Variants in C1QTNF8 observed in about 807,000 individuals in gnomAD.
C1QTNF8 encodes complement C1q tumor necrosis factor-related protein 8.
In C1QTNF8, 27 loss-of-function variants were observed where a neutral mutation model predicts 19.2. The observed-to-expected ratio is 1.41, with a 90% confidence interval of 1.04 to 1.94. The LOEUF is 1.94. Among genes scored for constraint, C1QTNF8 ranks in the 30% most tolerant of loss-of-function variants. The pLI is 0.00. For synonymous variants in C1QTNF8, 208 were observed against 172.8 expected (o/e 1.20, Z -1.60); for missense variants, 484 against 374.4 (o/e 1.29, Z -2.42).
intron 4 of C1QTNF8, among the ~76,000 whole-genome samples, chr16:1,092,202 G>A (rs1960559680): frequency 6.6e-6 from 1 of 152,208 alleles, no homozygotes; most frequent in African/African-American, 2.4e-5. Flanking sequence ...GGCAGGTGCG[G>A]GTCAGACTTG....
intron 4 of C1QTNF8, among the ~76,000 whole-genome samples, chr16:1,092,474 A>T (rs1191639077): frequency 1.3e-4 from 15 of 114,196 alleles, no homozygotes; most frequent in East Asian, 2.5e-4. Flanking sequence ...AACCAATCAC[A>T]GCACACAGTC....
At chr16:1,094,497 C>G (rs953684783) in intron 3 of C1QTNF8, 1 of 499,332 alleles carries the variant, frequency 2.0e-6, no homozygotes, top group African/African-American at 2.0e-5. Context: ...CCAGGATCCT[C>G]AGCACCCCAC....
chr16:1,094,877 C>A lies in C1QTNF8; in HGVS notation c.46G>T (p.Gly16Trp). 1 of 1,395,160 alleles carries A rather than the reference C, an allele frequency of 7.2e-7. No individual in the cohort carries two copies. The highest frequency in any genetic ancestry group is 2.8e-5 in the East Asian group (1 of 35,736). The allele number at this position is 1,395,160 out of a possible 1,614,324, so 86.4% of individuals were successfully genotyped here. A position where few individuals can be genotyped will look rare whatever the true frequency, so the allele number is the denominator to read the frequency against. ...LLLLALLLPVGAWPGLPRRPC... is the reference protein window; with the variant it reads ...LLLLALLLPVWAWPGLPRRPC... ...CTCCTGGGCAGCCCGGGCCAGGCCCCCACGGGCAGCAGCAGTGCTAGGAGC... is the reference window on the plus strand; with the variant it reads ...CTCCTGGGCAGCCCGGGCCAGGCCCACACGGGCAGCAGCAGTGCTAGGAGC... Residue 16 changes from glycine to tryptophan, a missense_variant, in exon 3 of 5, where the codon GGG becomes TGG. Gly to Trp is a radical substitution (Grantham distance 184, BLOSUM62 -2). Coordinates refer to ENST00000328449, the MANE Select transcript of C1QTNF8 (RefSeq NM_207419.3).
rs1396234413 is a variant in C1QTNF8, at chr16:1,088,991, G to T, written c.*1608C>A. Among the ~76,000 whole-genome samples the T allele has an allele frequency of 6.6e-6, 1 of 152,150 alleles. No individual in the cohort carries two copies. The highest frequency in any genetic ancestry group is 2.4e-5 in the African/African-American group (1 of 41,438). ...ACTTTCTGAGCTCCCTGGTGCAGGG[G>T]CTGGCGTCTTCCCGGGACTCTCTTC... On this transcript the variant is annotated 3_prime_UTR_variant, in exon 5 of 5. Transcript: ENST00000328449.
In C1QTNF8 at chr16:1,093,702, C is replaced by G; in HGVS notation, c.558G>C (p.Arg186=). Residue 186 remains arginine (R), a synonymous_variant, in exon 4 of 5, where the codon CGG becomes CGC. Transcript: ENST00000328449. The part of the protein sequence containing the change: ...KETYLHIMLN[R]RPAAVLYAQP... ...GCGCGTAGAGCACGGCCGCGGGCCGCCGGTTCAGCATGATGTGCAGGTAGG... is the reference window on the plus strand; with the variant it reads ...GCGCGTAGAGCACGGCCGCGGGCCGGCGGTTCAGCATGATGTGCAGGTAGG... 1 of 1,611,368 alleles carries G rather than the reference C, an allele frequency of 6.2e-7. No homozygotes were observed. Among genetic ancestry groups the G allele is most frequent in the Non-Finnish European group, 8.5e-7 (1 of 1,179,164 alleles).
At chr16:1,094,332 A>G (rs891683009) in intron 3 of C1QTNF8, among the ~76,000 whole-genome samples, 20 of 152,130 alleles carry the variant, frequency 1.3e-4, no homozygotes, top group African/African-American at 4.8e-4. Flanking sequence ...GTGTTAAAGA[A>G]TGAGAAGGCT....
Position 1,088,506 on chromosome 16 carries a change from C to G in C1QTNF8, c.*2093G>C, listed in dbSNP as rs1960480580. Among the ~76,000 whole-genome samples the G allele has an allele frequency of 6.6e-6, 1 of 152,356 alleles. No individual in the cohort carries two copies. The highest frequency in any genetic ancestry group is 1.9e-4 in the East Asian group (1 of 5,186). ...CTGCTTTTCGTGTCTCTGGCCTCTA[C>G]CAAGCATCCCTCTTTCCGCTCCCAC... On this transcript the variant is annotated 3_prime_UTR_variant, in exon 5 of 5. Transcript: ENST00000328449.
intron 4 of C1QTNF8, 73 bp downstream of exon 4, chr16:1,093,424 C>T (rs1044689353): frequency 2.9e-6 from 3 of 1,042,350 alleles, no homozygotes; most frequent in Non-Finnish European, 3.9e-6. Flanking sequence ...CCACACCCAC[C>T]CCCACACACA....
intron 4 of C1QTNF8, among the ~76,000 whole-genome samples, 157 bp downstream of exon 4, chr16:1,093,312 CCTGCACACAGTCAGCGCTCAACAAATCA>C (rs1960597256): frequency 2.2e-5 from 3 of 138,708 alleles, no homozygotes; most frequent in Middle Eastern, 3.6e-3. Context: ...TCAACCAATC[CCTGCACACAGTCAGCGCTCAACAAATCA>C]CTGCACACAG....
intron 3 of C1QTNF8, among the ~76,000 whole-genome samples, chr16:1,094,309 C>T (rs1480035446): frequency 2.6e-5 from 4 of 152,264 alleles, no homozygotes; most frequent in South Asian, 2.1e-4. Flanking sequence ...GGGCCAGCTA[C>T]GGTCTGCGTT....
Position 1,094,727 on chromosome 16 carries a change from C to A in C1QTNF8, c.196G>T (p.Glu66Ter). 1.9e-6 allele frequency: 3 copies of A among 1,591,234 alleles called. No homozygotes were observed. In the East Asian group the frequency reaches 7.2e-5, roughly 38 times the overall value. The change falls in exon 3 of 5, where the codon GAA becomes TAA. Residue 66 changes from glutamate to a stop codon, truncating the protein, a stop_gained. Coordinates refer to ENST00000328449, the MANE Select transcript of C1QTNF8 (RefSeq NM_207419.3). LOFTEE classifies it high-confidence loss of function. ...LPRVRPTIDIEILKGEKGEAG... is the reference protein window; with the variant it reads ...LPRVRPTIDI Reference sequence around the variant, plus strand: ...CCACGGGCCTCACCTTTGAGGATTTCGATGTCTATAGTGGGCCGTACTCGA... The same window carrying A: ...CCACGGGCCTCACCTTTGAGGATTTAGATGTCTATAGTGGGCCGTACTCGA...
At position 1,090,282 on chromosome 16, in the gene C1QTNF8, TG is replaced by T. The variant is rs1960517954; in HGVS notation, c.*316del. The T allele has an allele frequency of 6.6e-6, 1 of 152,558 alleles. No individual in the cohort carries two copies. The highest frequency in any genetic ancestry group is 6.5e-5 in the Admixed American group (1 of 15,286). The allele number at this position is 152,558 out of a possible 1,614,324, so 9.5% of individuals were successfully genotyped here. On this transcript the variant is annotated 3_prime_UTR_variant, in exon 5 of 5. Coordinates refer to ENST00000328449, the MANE Select transcript of C1QTNF8 (RefSeq NM_207419.3). ...CGGGCGACTTGGGAGGCAGCAGGCT[TG>T]GGCAGTGGGTGGGGGTGGCGCAGCC...
chr16:1,093,732 C>A lies in C1QTNF8; in HGVS notation c.528G>T (p.Lys176Asn). 6 of 1,612,126 alleles carry A rather than the reference C, an allele frequency of 3.7e-6. No individual in the cohort carries two copies. Among genetic ancestry groups the A allele is most frequent in the Non-Finnish European group, 5.1e-6 (6 of 1,179,586 alleles). ...LSLNVHTWNY[K>N]ETYLHIMLNR... ...TCAGCATGATGTGCAGGTAGGTCTC[C>A]TTGTAGTTCCAGGTGTGCACGTTGA... Residue 176 changes from lysine (K) to asparagine (N), a missense_variant, in exon 4 of 5, where the codon AAG becomes AAT. Physicochemically the swap from Lys to Asn is moderately conservative, Grantham distance 94. Transcript: ENST00000328449.
rs1960488143 is a variant in C1QTNF8 at position 1,088,897 on chromosome 16, C to T, written c.*1702G>A. Among the ~76,000 whole-genome samples the T allele has an allele frequency of 2.0e-5, 3 of 151,396 alleles. 1 individual carries two copies. Among genetic ancestry groups the T allele is most frequent in the South Asian group, 2.1e-4 (1 of 4,804 alleles). ...GTGCGGGGAGGTCCAGCCTGTCCCTCGGAATAAGCGCCTGGCTTCGGGGCT... is the reference window on the plus strand; with the variant it reads ...GTGCGGGGAGGTCCAGCCTGTCCCTTGGAATAAGCGCCTGGCTTCGGGGCT... On this transcript the variant is annotated 3_prime_UTR_variant, in exon 5 of 5. Transcript: ENST00000328449.
intron 4 of C1QTNF8, 35 bp downstream of exon 4, chr16:1,093,462 G>T: frequency 7.8e-7 from 1 of 1,282,436 alleles, no homozygotes; most frequent in Non-Finnish European, 1.0e-6. Flanking sequence ...ACACACGCGC[G>T]CGCGCGCCCG....
In C1QTNF8 at chr16:1,093,819, G is replaced by A. The variant is rs374098565; in HGVS notation, c.441C>T (p.Gly147=). ...AGCGGCCCGCGGCCAGGTCGAAGGC[G>A]CCGTCCAGGTTCACCAGCTCCGTGT... The part of the protein sequence containing the change: ...PFDTELVNLD[G]AFDLAAGRFL... The change falls in exon 4 of 5, where the codon GGC becomes GGT. Residue 147 remains glycine, a synonymous_variant. Coordinates refer to ENST00000328449, the MANE Select transcript of C1QTNF8 (RefSeq NM_207419.3). 2.5e-5 allele frequency: 41 copies of A among 1,609,666 alleles called. No homozygotes were observed. The highest frequency in any genetic ancestry group is 3.3e-4 in the Middle Eastern group (2 of 6,074).
chr16:1,093,146 A>T (rs56237006), intron 4 of C1QTNF8, among the ~76,000 whole-genome samples: 26,547 of 107,762 alleles, frequency 0.25, 2,901 homozygotes, highest in Non-Finnish European at 0.33. Flanking sequence ...AACAAATCAC[A>T]GCACACAGTC....
rs539032531 is a variant in C1QTNF8 at position 1,089,094 on chromosome 16, G to A, written c.*1505C>T. On this transcript the variant is annotated 3_prime_UTR_variant, in exon 5 of 5. Coordinates refer to ENST00000328449, the MANE Select transcript of C1QTNF8 (RefSeq NM_207419.3). ...TGGAGACCCCAGGGCAGCCGGGCCA[G>A]GGCCAGGGCCAGGGAAAGGAACGGT... Among the ~76,000 whole-genome samples the A allele has an allele frequency of 1.3e-5, 2 of 151,302 alleles. No homozygotes were observed. The highest frequency in any genetic ancestry group is 6.6e-5 in the Admixed American group (1 of 15,236).
At position 1,089,171 on chromosome 16, in the gene C1QTNF8, G is replaced by A. The variant is rs1010921735; in HGVS notation, c.*1428C>T. On this transcript the variant is annotated 3_prime_UTR_variant, in exon 5 of 5. Coordinates refer to ENST00000328449, the MANE Select transcript of C1QTNF8 (RefSeq NM_207419.3). The stretch of plus-strand genomic sequence containing the variant: ...AGCACAGAACAGGCAGCCTGCGAGA[G>A]GAGATGTCCTCCCTGGCCCTGGGGT... 3.3e-5 allele frequency among the ~76,000 whole-genome samples: 5 copies of A among 152,154 alleles called. No homozygotes were observed. Among genetic ancestry groups the A allele is most frequent in the Non-Finnish European group, 5.9e-5 (4 of 68,002 alleles).
Sources: gnomAD v4.1 joint callset for allele counts (sites outside exome capture counted in the v4.1 genomes callset) on GRCh38, gnomAD v4.1.1 for gene constraint, MANE v1.5 for transcripts, NCBI Gene and HGNC (gene_info 2026-07-23, HGNC 2026-07-21) for gene names.